CUBN: variants seen among roughly 807,000 people sequenced by gnomAD.
The protein encoded by CUBN is cubilin.
A neutral mutation model predicts 405.3 loss-of-function variants in CUBN; 282 were observed. The ratio of observed to expected loss-of-function variants is 0.70; its 90% confidence interval spans 0.63 to 0.77. The LOEUF (loss-of-function observed/expected upper bound fraction) is 0.77. CUBN is among the 30% of genes least tolerant of loss of function. The probability of loss-of-function intolerance (pLI) is 0.00; values close to 1 mark genes in which losing one functional copy is unlikely to be tolerated. For synonymous variants in CUBN, 1,684 were observed against 1,617.0 expected (o/e 1.04, Z -0.99); for missense variants, 4,514 against 4,475.2 (o/e 1.01, Z -0.25).
chr10:16,917,609 A>G (rs772993856), intron 45 of CUBN, among the ~76,000 whole-genome samples: 2 of 152,222 alleles, frequency 1.3e-5, no homozygotes, highest in Admixed American at 6.5e-5. Context: ...ACTGTATTTC[A>G]TAGTAAGCTG....
chr10:17,022,236 T>C (rs960691276), intron 27 of CUBN, among the ~76,000 whole-genome samples: 1 of 152,202 alleles, frequency 6.6e-6, no homozygotes, highest in Non-Finnish European at 1.5e-5. Context: ...TCAAATCGGC[T>C]GCTCATCATA....
At chr10:16,887,123 A>C (rs1686934749) in intron 56 of CUBN, among the ~76,000 whole-genome samples, 1 of 152,178 alleles carries the variant, frequency 6.6e-6, no homozygotes, top group Non-Finnish European at 1.5e-5. Context: ...CTTATTCAAT[A>C]TTTGTCGAAC....
chr10:16,864,747 T>A (rs1840120679), intron 59 of CUBN, among the ~76,000 whole-genome samples: 1 of 150,154 alleles, frequency 6.7e-6, no homozygotes, highest in Non-Finnish European at 1.5e-5. Context: ...ACCTCCCAGG[T>A]TCAAGCGATT....
intron 28 of CUBN, 83 bp downstream of exon 28, chr10:17,019,750 G>T: frequency 6.6e-7 from 1 of 1,521,650 alleles, no homozygotes; most frequent in Non-Finnish European, 9.1e-7. Context: ...TCATGGTATT[G>T]TTTCTAAGTT....
At chr10:16,944,065 C>T (rs1296045359) in intron 36 of CUBN, among the ~76,000 whole-genome samples, 1 of 152,182 alleles carries the variant, frequency 6.6e-6, no homozygotes, top group Non-Finnish European at 1.5e-5. Flanking sequence ...TTCTTATTAT[C>T]TCATTCTGAT....
At chr10:16,861,286 C>A (rs946408501) in intron 59 of CUBN, among the ~76,000 whole-genome samples, 5 of 151,974 alleles carry the variant, frequency 3.3e-5, no homozygotes, top group African/African-American at 1.2e-4. Context: ...TTCAGCTGCC[C>A]GAGTAGCTGG....
rs772250137 is a variant in CUBN, at chr10:16,940,224, C to T, written c.5356G>A (p.Glu1786Lys). ...LQLSFISFQL[E>K]DSQDCSRDFV... ...TCTCTGCTGCAGTCCTGAGAGTCTTCCAACTGGAAAGATCTGATTTGGGGA... is the reference window on the plus strand; with the variant it reads ...TCTCTGCTGCAGTCCTGAGAGTCTTTCAACTGGAAAGATCTGATTTGGGGA... The change falls in exon 37 of 67, where the codon GAA becomes AAA. Residue 1786 changes from glutamate (E) to lysine (K), a missense_variant. Glu to Lys is a moderately conservative substitution (Grantham distance 56). This residue lies in a region of CUBN where 1,613 missense variants were observed against 1,542.8 expected (regional missense o/e 1.05). Coordinates refer to ENST00000377833, the MANE Select transcript of CUBN (RefSeq NM_001081.4). 9.9e-6 allele frequency: 16 copies of T among 1,613,862 alleles called. No homozygotes were observed. The highest frequency in any genetic ancestry group is 1.4e-5 in the Non-Finnish European group (16 of 1,179,896).
intron 48 of CUBN, 102 bp downstream of exon 48, chr10:16,913,709 T>C (rs1206250602): frequency 1.1e-5 from 15 of 1,312,958 alleles, no homozygotes; most frequent in Middle Eastern, 2.5e-4. Context: ...TATAGTTGCA[T>C]AGATGGCAAT....
At chr10:16,997,304 A>C (rs1464716678) in intron 28 of CUBN, among the ~76,000 whole-genome samples, 4 of 152,016 alleles carry the variant, frequency 2.6e-5, no homozygotes, top group Non-Finnish European at 5.9e-5. Context: ...GCGTGGTGGC[A>C]GGCACCTGTA....
chr10:16,958,618 A>G (rs4335444), intron 31 of CUBN, among the ~76,000 whole-genome samples: 86,912 of 152,050 alleles, frequency 0.57, 24,924 homozygotes, highest in South Asian at 0.62. Flanking sequence ...TACAAGCTCC[A>G]TCACAAACAT....
At chr10:16,933,702 C>T (rs1842423094) in intron 39 of CUBN, among the ~76,000 whole-genome samples, 1 of 151,854 alleles carries the variant, frequency 6.6e-6, no homozygotes, top group African/African-American at 2.4e-5. Flanking sequence ...AGATTAGGTC[C>T]TTCTCGGGGT....
intron 19 of CUBN, among the ~76,000 whole-genome samples, chr10:17,070,414 AT>A (rs1835713798): frequency 6.6e-6 from 1 of 152,046 alleles, no homozygotes; most frequent in South Asian, 2.1e-4. Context: ...GCCCGCTGTG[AT>A]TTTTATGGGG....
rs368334970 is a variant in CUBN at position 16,869,556 on chromosome 10, GT to G, written c.9454+79del. The G allele has an allele frequency of 2.3e-4, 228 of 997,026 alleles. No individual in the cohort carries two copies. The African/African-American group carries it at 3.8e-3, about 17-fold the overall frequency. 61.8% of individuals were successfully genotyped at this position (997,026 alleles called of 1,614,324 possible). A position where few individuals can be genotyped will look rare whatever the true frequency, so the allele number is the denominator to read the frequency against. Reference sequence around the variant, plus strand: ...GAAAAGCAATCATAATCAGGTGGGGGTGGGGGGGGGGCGGGGAAATTAAATA... The same window carrying G: ...GAAAAGCAATCATAATCAGGTGGGGGGGGGGGGGGGCGGGGAAATTAAATA... On this transcript the variant is annotated intron_variant, in intron 59 of 66. Coordinates refer to ENST00000377833, the MANE Select transcript of CUBN (RefSeq NM_001081.4).
chr10:17,096,230 C>A (rs1014197864), intron 14 of CUBN, among the ~76,000 whole-genome samples: 1 of 152,040 alleles, frequency 6.6e-6, no homozygotes, highest in Non-Finnish European at 1.5e-5. Flanking sequence ...TGGTGACTAT[C>A]ATTAACAATA....
At chr10:17,042,109 A>G (rs1835034137) in intron 26 of CUBN, among the ~76,000 whole-genome samples, 1 of 152,250 alleles carries the variant, frequency 6.6e-6, no homozygotes, top group Non-Finnish European at 1.5e-5. Flanking sequence ...GAAGGTGGGT[A>G]GAACACCATT....
At chr10:16,966,416 T>C (rs574299757) in intron 31 of CUBN, among the ~76,000 whole-genome samples, 57 of 152,172 alleles carry the variant, frequency 3.7e-4, no homozygotes, top group Admixed American at 8.5e-4. Flanking sequence ...TGGTCTAGTG[T>C]GGCCTCCTTC....
intron 62 of CUBN, among the ~76,000 whole-genome samples, chr10:16,838,654 G>C (rs1481558218): frequency 6.6e-6 from 1 of 152,154 alleles, no homozygotes; most frequent in Non-Finnish European, 1.5e-5. Flanking sequence ...TTTTGTTGTT[G>C]TTGTTGTTGA....
intron 54 of CUBN, among the ~76,000 whole-genome samples, chr10:16,891,881 C>G (rs567236297): frequency 2.0e-5 from 3 of 151,924 alleles, no homozygotes; most frequent in Non-Finnish European, 2.9e-5. Flanking sequence ...AGGACTATTG[C>G]TACACAATCT....
intron 10 of CUBN, among the ~76,000 whole-genome samples, chr10:17,106,919 G>A (rs1836647465): frequency 6.6e-6 from 1 of 152,132 alleles, no homozygotes; most frequent in Non-Finnish European, 1.5e-5. Context: ...ACAGATTGAA[G>A]ATAATATAGT....
Sources: allele counts gnomAD v4.1 joint callset (sites outside exome capture counted in the v4.1 genomes callset), GRCh38; gene constraint gnomAD v4.1.1; regional missense constraint gnomAD v4.1.1; transcripts MANE v1.5; gene names NCBI Gene and HGNC (gene_info 2026-07-23, HGNC 2026-07-21).